TMPRSS2: variants seen among roughly 807,000 people sequenced by gnomAD.
The protein encoded by TMPRSS2 is transmembrane protease serine 2.
TMPRSS2 carries 59 observed loss-of-function variants against 67.4 expected under a neutral mutation model. That is an observed-to-expected ratio of 0.88 (90% CI 0.71 to 1.09). The LOEUF is 1.09. Ranked by LOEUF, TMPRSS2 falls within the 50% of genes least tolerant of loss-of-function variation. The pLI, the probability that TMPRSS2 is intolerant of heterozygous loss-of-function variation, is 0.00. For missense variants in TMPRSS2, 668 were observed against 642.7 expected (o/e 1.04, Z -0.43); for synonymous variants, 257 against 257.0 (o/e 1.00, Z 0.00).
At position 41,468,445 on chromosome 21, in the gene TMPRSS2, G is replaced by A. The variant is rs2146421009; in HGVS notation, c.1265C>T (p.Pro422Leu). Residue 422 changes from proline (P) to leucine (L), a missense_variant, in exon 12 of 14, where the codon CCA (proline) becomes CTA (leucine). Coordinates refer to ENST00000332149, the MANE Select transcript of TMPRSS2 (RefSeq NM_005656.4). ...CAGGAAGCCGGCACAGATCATGGCT[G>A]GTGTGATCAGGTTGTCATAGACATA... The part of the protein sequence containing the change: ...SRYVYDNLIT[P>L]AMICAGFLQG... 6.2e-7 allele frequency: 1 copy of A among 1,614,170 alleles called. No individual in the cohort carries two copies. Among genetic ancestry groups the A allele is most frequent in the African/African-American group, 1.3e-5 (1 of 75,050 alleles).
At chr21:41,490,111 G>A (rs1265403694) in intron 3 of TMPRSS2, among the ~76,000 whole-genome samples, 1 of 145,236 alleles carries the variant, frequency 6.9e-6, no homozygotes, top group Non-Finnish European at 1.5e-5. Context: ...TCACACCACT[G>A]CACTCCAGCC....
At chr21:41,492,390 G>T (rs370713580) in intron 3 of TMPRSS2, among the ~76,000 whole-genome samples, 2 of 152,170 alleles carry the variant, frequency 1.3e-5, no homozygotes, top group African/African-American at 4.8e-5. Context: ...CTGTGTGTTC[G>T]CTCCTACTCA....
At chr21:41,492,904 A>G (rs1455734025) in intron 3 of TMPRSS2, among the ~76,000 whole-genome samples, 2 of 152,210 alleles carry the variant, frequency 1.3e-5, no homozygotes, top group Non-Finnish European at 2.9e-5. Flanking sequence ...TCACACAGAC[A>G]GTTCCTTATC....
chr21:41,507,930 C>T (rs942868706), intron 1 of TMPRSS2, 151 bp downstream of exon 1: 1 of 1,492,320 alleles, frequency 6.7e-7, no homozygotes, highest in Admixed American at 2.1e-5. Flanking sequence ...CCCCAGCGCT[C>T]GACCCTCGGG....
chr21:41,488,618 A>G (rs927978039), intron 4 of TMPRSS2, 105 bp from the exon 5 acceptor site: 48 of 1,255,576 alleles, frequency 3.8e-5, no homozygotes, highest in Admixed American at 1.1e-4. Flanking sequence ...GCAGCCTCCA[A>G]CTCCTGGCCC....
chr21:41,466,591 A>G (rs2091086476), intron 13 of TMPRSS2, among the ~76,000 whole-genome samples: 1 of 151,964 alleles, frequency 6.6e-6, no homozygotes, highest in Non-Finnish European at 1.5e-5. Flanking sequence ...TCCTGGGGTC[A>G]TCTGTTTCTA....
rs2146466987 is a variant in TMPRSS2, at chr21:41,488,412, C to T, written c.427G>A (p.Glu143Lys). ...CDGVSHCPGGEDENRCVRLYG... is the reference protein window; with the variant it reads ...CDGVSHCPGGKDENRCVRLYG... ...GACTCACCACACCGATTCTCGTCCT[C>T]CCCGCCGGGGCAGTGTGACACGCCA... Residue 143 changes from glutamate (E) to lysine (K), a missense_variant, in exon 5 of 14, where the codon GAG becomes AAG. By Grantham distance (56) the Glu-to-Lys change is moderately conservative. Coordinates refer to ENST00000332149, the MANE Select transcript of TMPRSS2 (RefSeq NM_005656.4). The T allele has an allele frequency of 6.2e-7, 1 of 1,612,944 alleles. No homozygotes were observed. Among genetic ancestry groups the T allele is most frequent in the South Asian group, 1.1e-5 (1 of 91,016 alleles).
At chr21:41,483,604 A>G (rs896627078) in intron 5 of TMPRSS2, among the ~76,000 whole-genome samples, 5 of 150,936 alleles carry the variant, frequency 3.3e-5, no homozygotes, top group African/African-American at 1.2e-4. Context: ...CTCAAAATAC[A>G]CTTCTATGAT....
chr21:41,468,250 G>A, intron 12 of TMPRSS2, 146 bp downstream of exon 12: 1 of 1,005,970 alleles, frequency 9.9e-7, no homozygotes, highest in South Asian at 1.6e-5. Flanking sequence ...CGTTCGCACT[G>A]TTTGTGGCCG....
At chr21:41,482,597 G>A (rs1158210750) in intron 5 of TMPRSS2, among the ~76,000 whole-genome samples, 1 of 152,164 alleles carries the variant, frequency 6.6e-6, no homozygotes, top group African/African-American at 2.4e-5. Context: ...GGACAGTCTG[G>A]TACCTGTGGG....
chr21:41,503,940 C>CTA (rs945194824), intron 1 of TMPRSS2, among the ~76,000 whole-genome samples: 4 of 152,186 alleles, frequency 2.6e-5, no homozygotes, highest in African/African-American at 9.7e-5. Flanking sequence ...GACCCCTGGG[C>CTA]TATACTGCAG....
chr21:41,504,965 T>C (rs2091448164), intron 1 of TMPRSS2, among the ~76,000 whole-genome samples: 1 of 151,776 alleles, frequency 6.6e-6, no homozygotes, highest in Non-Finnish European at 1.5e-5. Context: ...CTGGTGACTG[T>C]GGGATGAGGG....
chr21:41,479,096 C>T (rs1426051253), intron 7 of TMPRSS2, 76 bp downstream of exon 7: 1 of 1,161,142 alleles, frequency 8.6e-7, no homozygotes, highest in Non-Finnish European at 1.3e-6. Context: ...AGAAATCAGA[C>T]TCAGGACAAC....
chr21:41,502,462 G>C (rs1667019115), intron 1 of TMPRSS2: 1 of 985,300 alleles, frequency 1.0e-6, no homozygotes, highest in Non-Finnish European at 1.2e-6. Flanking sequence ...GTGTGAGAGG[G>C]AACAGACAGC....
chr21:41,473,380 C>A lies in TMPRSS2; in HGVS notation c.844G>T (p.Gly282Ter). ...CACTCGGGGGTGATGATGGAGCCTC[C>A]GCACACGTGGACGTTCTGGACGTGC... ...SLHVQNVHVC[G>*]GSIITPEWIV... The change falls in exon 9 of 14, where the codon GGA becomes TGA. Residue 282 changes from glycine to a stop codon, truncating the protein, a stop_gained. Transcript: ENST00000332149. LOFTEE classifies it high-confidence loss of function. 6.2e-7 allele frequency: 1 copy of A among 1,609,902 alleles called. No homozygotes were observed. The highest frequency in any genetic ancestry group is 8.5e-7 in the Non-Finnish European group (1 of 1,179,192).
intron 5 of TMPRSS2, among the ~76,000 whole-genome samples, chr21:41,481,978 T>A (rs1287288935): frequency 6.6e-6 from 1 of 152,066 alleles, no homozygotes; most frequent in Non-Finnish European, 1.5e-5. Flanking sequence ...GGGGAATTGC[T>A]TGAACCCAGG....
At position 41,480,500 on chromosome 21, in the gene TMPRSS2, G is replaced by A. The variant is rs751523924; in HGVS notation, c.548C>T (p.Ala183Val). The part of the protein sequence containing the change: ...QDDWNENYGR[A>V]ACRDMGYKNN... The stretch of plus-strand genomic sequence containing the variant: ...CTTATAGCCCATGTCCCTGCAGGCC[G>A]CCCGCCCGTAGTTCTCGTTCCAGTC... Residue 183 changes from alanine to valine, a missense_variant, in exon 6 of 14, where the codon GCG (alanine) becomes GTG (valine). Coordinates refer to ENST00000332149, the MANE Select transcript of TMPRSS2 (RefSeq NM_005656.4). The A allele has an allele frequency of 1.1e-5, 18 of 1,613,522 alleles. No individual in the cohort carries two copies. Among genetic ancestry groups the A allele is most frequent in the African/African-American group, 2.7e-5 (2 of 74,934 alleles).
rs199865751 is a variant in TMPRSS2 at position 41,488,478 on chromosome 21, C to A, written c.361G>T (p.Asp121Tyr). 1 of 1,613,786 alleles carries A rather than the reference C, an allele frequency of 6.2e-7. No individual in the cohort carries two copies. The highest frequency in any genetic ancestry group is 1.1e-5 in the South Asian group (1 of 91,030). The change falls in exon 5 of 14, where the codon GAC (aspartate) becomes TAC (tyrosine). Residue 121 changes from aspartate to tyrosine, a missense_variant. By Grantham distance (160) the Asp-to-Tyr change is radical. Coordinates refer to ENST00000332149, the MANE Select transcript of TMPRSS2 (RefSeq NM_005656.4). ...SKCSNSGIEC[D>Y]SSGTCINPSN... ...GGGTTGATGCAGGTACCTGAGGAGT[C>A]GCACTCTATCCCAGAGTTGGAGCAC...
Position 41,508,148 on chromosome 21 carries a change from C to G in TMPRSS2, c.-124G>C, listed in dbSNP as rs2091472476. The G allele has an allele frequency of 2.6e-6, 2 of 767,842 alleles. No individual in the cohort carries two copies. The highest frequency in any genetic ancestry group is 3.7e-6 in the Non-Finnish European group (2 of 547,750). The allele number at this position is 767,842 out of a possible 1,614,324, so 47.6% of individuals were successfully genotyped here. On this transcript the variant is annotated 5_prime_UTR_variant, in exon 1 of 14. Transcript: ENST00000332149. ...CTCCGCCTCCGCCTCCTGCTTAGCT[C>G]GCGCCTACTCGGCCCGGCCCGCCCT... is the stretch of plus-strand genomic sequence containing the variant.
Sources: gnomAD v4.1 joint callset for allele counts (sites outside exome capture counted in the v4.1 genomes callset) on GRCh38, gnomAD v4.1.1 for gene constraint, MANE v1.5 for transcripts, NCBI Gene and HGNC (gene_info 2026-07-23, HGNC 2026-07-21) for gene names.